STAG1: variants seen among roughly 807,000 people sequenced by gnomAD.
The protein encoded by STAG1 is STAG1 cohesin complex component.
In STAG1, 26 loss-of-function variants were observed where a neutral mutation model predicts 170.9. The ratio of observed to expected loss-of-function variants is 0.15; its 90% CI spans 0.11 to 0.21. STAG1 has a LOEUF of 0.21. Ranked by LOEUF, STAG1 falls within the 10% of genes least tolerant of loss-of-function variation. The pLI is 1.00. For missense variants in STAG1, 964 were observed against 1,509.5 expected (o/e 0.64, Z 5.99); for synonymous variants, 514 against 497.7 (o/e 1.03, Z -0.44).
At chr3:136,651,050 T>C (rs140871935) in intron 1 of STAG1, among the ~76,000 whole-genome samples, 95 of 152,154 alleles carry the variant, frequency 6.2e-4, no homozygotes, top group African/African-American at 2.2e-3. Flanking sequence ...GTCAGAAATA[T>C]CCAATGCAGA....
chr3:136,697,426 T>C (rs942556276), intron 1 of STAG1, among the ~76,000 whole-genome samples: 19 of 152,186 alleles, frequency 1.2e-4, no homozygotes, highest in Non-Finnish European at 2.9e-5. Flanking sequence ...CAGGTGATTC[T>C]AAAACAGTTT....
intron 1 of STAG1, among the ~76,000 whole-genome samples, chr3:136,647,798 A>G (rs1172077434): frequency 1.3e-5 from 2 of 152,168 alleles, no homozygotes; most frequent in Non-Finnish European, 1.5e-5. Flanking sequence ...AAGGCAGTTT[A>G]TATTCATTGC....
rs186569531 is a variant in STAG1 at position 136,488,267 on chromosome 3, C to T, written c.903-10855G>A. The stretch of plus-strand genomic sequence containing the variant: ...CCTCCCGAGTAGCTGGGACTATAGG[C>T]ACGTGCCACTGCATCCGGCTAATTT... On this transcript the variant is annotated intron_variant, in intron 9 of 33. Transcript: ENST00000383202. Among the ~76,000 whole-genome samples the T allele has an allele frequency of 2.0e-5, 3 of 152,284 alleles. No individual in the cohort carries two copies. The East Asian group carries it at 5.8e-4, about 29-fold the overall frequency.
intron 20 of STAG1, among the ~76,000 whole-genome samples, chr3:136,420,874 A>C (rs1206780226): frequency 3.3e-5 from 5 of 152,178 alleles, no homozygotes; most frequent in Non-Finnish European, 5.9e-5. Flanking sequence ...TCCTGGGTTC[A>C]AGCGATTCTC....
chr3:136,392,765 CAA>C (rs71157377), intron 22 of STAG1, among the ~76,000 whole-genome samples: 53,688 of 92,958 alleles, frequency 0.58, 11,636 homozygotes, highest in Middle Eastern at 0.67. Context: ...GGCTCCGTCT[CAA>C]AAAAAAAAAA....
At chr3:136,546,582 CAAG>C (rs1203631957) in intron 5 of STAG1, among the ~76,000 whole-genome samples, 1 of 152,012 alleles carries the variant, frequency 6.6e-6, no homozygotes, top group Non-Finnish European at 1.5e-5. Context: ...TATGGAAAAG[CAAG>C]GAGTAGAAAA....
At chr3:136,604,231 C>A in intron 4 of STAG1, 78 bp downstream of exon 4, 1 of 1,293,738 alleles carries the variant, frequency 7.7e-7, no homozygotes. Context: ...ATATAAAGTG[C>A]CAATATACAC....
chr3:136,724,253 G>T (rs1387461646), intron 1 of STAG1, among the ~76,000 whole-genome samples: 1 of 152,110 alleles, frequency 6.6e-6, no homozygotes, highest in African/African-American at 2.4e-5. Flanking sequence ...ATTTTGTTCT[G>T]TACTAAGAAA....
intron 1 of STAG1, among the ~76,000 whole-genome samples, chr3:136,733,882 C>A (rs1196874724): frequency 2.0e-5 from 3 of 152,098 alleles, no homozygotes; most frequent in Non-Finnish European, 4.4e-5. Context: ...CCAAGGCGGG[C>A]GGATCACAAG....
intron 22 of STAG1, among the ~76,000 whole-genome samples, chr3:136,398,500 CGTGT>C (rs142935528): frequency 1.3e-5 from 2 of 151,636 alleles, no homozygotes; most frequent in Non-Finnish European, 2.9e-5. Context: ...AGTTTTAATC[CGTGT>C]GTGTGTGTAC....
intron 5 of STAG1, among the ~76,000 whole-genome samples, chr3:136,548,085 C>G (rs1329707128): frequency 6.6e-6 from 1 of 151,808 alleles, no homozygotes; most frequent in Admixed American, 6.6e-5. Context: ...GTTGCTATGC[C>G]TATCTTCATA....
chr3:136,577,893 G>A (rs376829888), intron 4 of STAG1, among the ~76,000 whole-genome samples: 27 of 152,266 alleles, frequency 1.8e-4, no homozygotes, highest in African/African-American at 6.3e-4. Flanking sequence ...AGTTCCTGTC[G>A]CTGAAAGTGA....
Position 136,464,783 on chromosome 3 carries a change from C to T in STAG1, c.1313+98G>A. On this transcript the variant is annotated intron_variant, in intron 13 of 33. Coordinates refer to ENST00000383202, the MANE Select transcript of STAG1 (RefSeq NM_005862.3). Reference sequence around the variant, plus strand: ...TGGAGTATCAGATGGACATTTTCAGCACTGTGTTCAGTCACTATTACTCTC... The same window carrying T: ...TGGAGTATCAGATGGACATTTTCAGTACTGTGTTCAGTCACTATTACTCTC... 3 of 936,262 alleles carry T rather than the reference C, an allele frequency of 3.2e-6. No individual in the cohort carries two copies. In the South Asian group the frequency reaches 5.4e-5, roughly 17 times the overall value. The allele number at this position is 936,262 out of a possible 1,614,324, so 58.0% of individuals were successfully genotyped here. A position where few individuals can be genotyped will look rare whatever the true frequency, so the allele number is the denominator to read the frequency against.
rs556630451 is a variant in STAG1 at position 136,420,104 on chromosome 3, G to A, written c.2108+989C>T. On this transcript the variant is annotated intron_variant, in intron 20 of 33. Coordinates refer to ENST00000383202, the MANE Select transcript of STAG1 (RefSeq NM_005862.3). ...TCTATTAAAAATATAAAAATTAGCT[G>A]AGCAAGGTGGTGTACACCTGTGGTC... Among the ~76,000 whole-genome samples the A allele has an allele frequency of 6.6e-5, 10 of 151,814 alleles. No individual in the cohort carries two copies. In the South Asian group the frequency reaches 2.1e-3, roughly 32 times the overall value.
At chr3:136,580,387 A>G (rs1937565652) in intron 4 of STAG1, among the ~76,000 whole-genome samples, 1 of 152,188 alleles carries the variant, frequency 6.6e-6, no homozygotes, top group Non-Finnish European at 1.5e-5. Flanking sequence ...TGGTGACAAT[A>G]TTAACATCAA....
At chr3:136,701,888 T>G (rs536157604) in intron 1 of STAG1, among the ~76,000 whole-genome samples, 32 of 152,160 alleles carry the variant, frequency 2.1e-4, no homozygotes, top group Non-Finnish European at 4.1e-4. Flanking sequence ...TCTACTTCTT[T>G]TCCCCCAGAG....
At chr3:136,511,222 G>A (rs1162674321) in intron 7 of STAG1, among the ~76,000 whole-genome samples, 1 of 152,206 alleles carries the variant, frequency 6.6e-6, no homozygotes, top group African/African-American at 2.4e-5. Context: ...AGAACTGTGT[G>A]TCAATTAAAT....
intron 7 of STAG1, among the ~76,000 whole-genome samples, chr3:136,504,358 G>C (rs1933646993): frequency 6.6e-6 from 1 of 152,074 alleles, no homozygotes; most frequent in Admixed American, 6.5e-5. Flanking sequence ...GGATTTTTCA[G>C]GATTTTTGCA....
chr3:136,354,508 G>A (rs578104980), intron 28 of STAG1, among the ~76,000 whole-genome samples: 4 of 151,622 alleles, frequency 2.6e-5, no homozygotes, highest in Non-Finnish European at 5.9e-5. Context: ...CACCATGTTG[G>A]CCAGGCTGGT....
Sources: gnomAD v4.1 joint callset for allele counts (sites outside exome capture counted in the v4.1 genomes callset) on GRCh38, gnomAD v4.1.1 for gene constraint, MANE v1.5 for transcripts, NCBI Gene and HGNC (gene_info 2026-07-23, HGNC 2026-07-21) for gene names.